Variants in MGAT4C observed in about 807,000 individuals in gnomAD.
The protein encoded by MGAT4C is alpha-1,3-mannosyl-glycoprotein 4-beta-N-acetylglucosaminyltransferase C.
A neutral mutation model predicts 40.1 loss-of-function variants in MGAT4C; 19 were observed. The observed-to-expected ratio is 0.47, with a 90% CI of 0.33 to 0.70. The LOEUF (loss-of-function observed/expected upper bound fraction) is 0.70. MGAT4C is among the 30% of genes least tolerant of loss of function. The pLI is 0.02. For missense variants in MGAT4C, 491 were observed against 563.2 expected (o/e 0.87, Z 1.30); for synonymous variants, 181 against 187.1 (o/e 0.97, Z 0.27).
chr12:86,432,210 AT>A (rs1381078891), intron 3 of MGAT4C, among the ~76,000 whole-genome samples: 1 of 152,138 alleles, frequency 6.6e-6, no homozygotes, highest in East Asian at 1.9e-4. Flanking sequence ...ACCTCAGAAA[AT>A]TTGGAAGAAT....
At chr12:86,628,886 A>C (rs760272900) in intron 2 of MGAT4C, among the ~76,000 whole-genome samples, 3 of 152,202 alleles carry the variant, frequency 2.0e-5, no homozygotes, top group Non-Finnish European at 2.9e-5. Flanking sequence ...GAACAAATTC[A>C]CACATAACAT....
chr12:86,691,567 A>G (rs1472646398), intron 2 of MGAT4C, among the ~76,000 whole-genome samples: 1 of 152,224 alleles, frequency 6.6e-6, no homozygotes. Flanking sequence ...ACTGAAGACC[A>G]GTTACCAACC....
chr12:86,514,294 A>C (rs1214674076), intron 2 of MGAT4C, among the ~76,000 whole-genome samples: 1 of 152,144 alleles, frequency 6.6e-6, no homozygotes, highest in Non-Finnish European at 1.5e-5. Flanking sequence ...CAACAACAAC[A>C]AACCTTGCCA....
intron 4 of MGAT4C, among the ~76,000 whole-genome samples, chr12:86,309,375 A>C (rs575992485): frequency 6.6e-6 from 1 of 152,318 alleles, no homozygotes; most frequent in East Asian, 1.9e-4. Context: ...AAAGAAAATA[A>C]GTTTATTTTT....
rs1385915831 is a variant in MGAT4C, at chr12:86,686,124, C to G, written c.-229+41085G>C. 2.6e-5 allele frequency among the ~76,000 whole-genome samples: 4 copies of G among 151,884 alleles called. No individual in the cohort carries two copies. The South Asian group carries it at 8.3e-4, about 32-fold the overall frequency. On this transcript the variant is annotated intron_variant, in intron 2 of 7. Transcript: ENST00000548651. ...TCGATCTCCTGACCTCATGATCTGC[C>G]CGTCTCAGCCTCCCAAAGTGCTGGG... is the stretch of plus-strand genomic sequence containing the variant.
rs1409068057 is a variant in MGAT4C, at chr12:86,304,764, G to C, written c.-57+29301C>G. Among the ~76,000 whole-genome samples the C allele has an allele frequency of 3.3e-5, 5 of 150,852 alleles. No homozygotes were observed. The East Asian group carries it at 9.7e-4, about 29-fold the overall frequency. ...GACAGATGTCCTTATAAAAAGAGAA[G>C]AGATGCAGACACATGAGAGGAGAAC... is the stretch of plus-strand genomic sequence containing the variant. On this transcript the variant is annotated intron_variant, in intron 4 of 7. Coordinates refer to the MGAT4C transcript ENST00000548651.
chr12:86,081,251 G>A (rs374933091), intron 1 of MGAT4C, among the ~76,000 whole-genome samples: 6 of 152,244 alleles, frequency 3.9e-5, no homozygotes, highest in African/African-American at 1.4e-4. Flanking sequence ...ACTATAGATG[G>A]TAAGGAACAA....
chr12:86,510,408 G>A (rs890137550), intron 2 of MGAT4C, among the ~76,000 whole-genome samples: 36 of 152,096 alleles, frequency 2.4e-4, no homozygotes, highest in African/African-American at 8.0e-4. Context: ...AAAGACCATC[G>A]AGGCTAGGAA....
intron 2 of MGAT4C, among the ~76,000 whole-genome samples, chr12:86,611,453 A>AAAT (rs1233519415): frequency 6.9e-5 from 8 of 116,190 alleles, no homozygotes; most frequent in Admixed American, 2.0e-4. Flanking sequence ...ATAGATAGAT[A>AAAT]GATGATAGAT....
At chr12:86,061,468 TTTTTTG>T (rs1213776723) in intron 1 of MGAT4C, among the ~76,000 whole-genome samples, 12 of 58,980 alleles carry the variant, frequency 2.0e-4, no homozygotes, top group Admixed American at 1.3e-3. Flanking sequence ...CAGGAGTTTT[TTTTTTG>T]TTTTTTTTTT....
chr12:86,396,239 T>C (rs1956259606), intron 3 of MGAT4C, among the ~76,000 whole-genome samples: 3 of 152,164 alleles, frequency 2.0e-5, no homozygotes, highest in Admixed American at 1.3e-4. Context: ...AAATTCTAAG[T>C]TATTGTGAGT....
intron 3 of MGAT4C, among the ~76,000 whole-genome samples, chr12:86,365,621 GC>G (rs1355104874): frequency 4.6e-5 from 7 of 151,488 alleles, no homozygotes; most frequent in Non-Finnish European, 8.8e-5. Context: ...ACATTCTTCT[GC>G]CTTGGCTTCA....
chr12:86,706,249 A>T (rs1950455261), intron 2 of MGAT4C, among the ~76,000 whole-genome samples: 1 of 152,194 alleles, frequency 6.6e-6, no homozygotes, highest in Non-Finnish European at 1.5e-5. Flanking sequence ...ATATGATTTT[A>T]TTGCAAGACA....
intron 3 of MGAT4C, among the ~76,000 whole-genome samples, chr12:86,389,241 C>T (rs61949481): frequency 0.091 from 13,877 of 152,080 alleles, 797 homozygotes; most frequent in Middle Eastern, 0.22. Flanking sequence ...TTTTCCTCTA[C>T]GTGTCCATGT....
At chr12:86,524,966 T>C (rs1958856299) in intron 2 of MGAT4C, among the ~76,000 whole-genome samples, 1 of 152,222 alleles carries the variant, frequency 6.6e-6, no homozygotes, top group Non-Finnish European at 1.5e-5. Flanking sequence ...GCTTCTACAT[T>C]GTTTTATTAT....
chr12:86,134,150 A>G (rs891683384), intron 1 of MGAT4C, among the ~76,000 whole-genome samples: 24 of 152,096 alleles, frequency 1.6e-4, no homozygotes, highest in Non-Finnish European at 5.9e-5. Flanking sequence ...TATGATAGCC[A>G]CTTAGTTAGA....
chr12:86,711,553 G>A (rs534176496), intron 2 of MGAT4C, among the ~76,000 whole-genome samples: 1 of 151,950 alleles, frequency 6.6e-6, no homozygotes, highest in East Asian at 1.9e-4. Flanking sequence ...ATTGGTTTTT[G>A]GTTCTTATAT....
At chr12:86,453,825 T>C (rs911994329) in intron 2 of MGAT4C, among the ~76,000 whole-genome samples, 6 of 152,146 alleles carry the variant, frequency 3.9e-5, no homozygotes, top group African/African-American at 1.4e-4. Flanking sequence ...AAGAACTTTA[T>C]CTATAACTGT....
At chr12:86,209,160 G>T (rs749043854) in intron 1 of MGAT4C, among the ~76,000 whole-genome samples, 1 of 151,894 alleles carries the variant, frequency 6.6e-6, no homozygotes, top group Non-Finnish European at 1.5e-5. Context: ...ATTTTTAGAA[G>T]AACTCACATT....
Sources: gnomAD v4.1 joint callset for allele counts (sites outside exome capture counted in the v4.1 genomes callset) on GRCh38, gnomAD v4.1.1 for gene constraint, MANE v1.5 for transcripts, NCBI Gene and HGNC (gene_info 2026-07-23, HGNC 2026-07-21) for gene names.